CASD1: variants seen among roughly 807,000 people sequenced by gnomAD.
CASD1 encodes the protein N-acetylneuraminate (7)9-O-acetyltransferase.
CASD1 carries 41 observed loss-of-function variants against 100.0 expected under a neutral mutation model. The observed-to-expected ratio is 0.41, with a 90% CI of 0.32 to 0.53. CASD1 has a LOEUF of 0.53. Among genes scored for constraint, CASD1 ranks in the 20% least tolerant of loss-of-function variants. The pLI is 0.25. For missense variants in CASD1, 774 were observed against 948.7 expected (o/e 0.82, Z 2.42); for synonymous variants, 321 against 315.6 (o/e 1.02, Z -0.18).
the CASD1 span, among the ~76,000 whole-genome samples, chr7:94,631,373 A>T: frequency 1.3e-5 from 2 of 151,910 alleles, no homozygotes; most frequent in African/African-American, 4.8e-5. Context: ...AAGATGAAAG[A>T]GACCCTGCCA....
the CASD1 span, chr7:94,623,652 C>A: frequency 2.1e-6 from 1 of 481,546 alleles, no homozygotes; most frequent in Non-Finnish European, 3.6e-6. Flanking sequence ...CATAGAAGGC[C>A]ATTAAGCACT....
intron 5 of CASD1, among the ~76,000 whole-genome samples, chr7:94,529,322 A>G (rs181586596): frequency 1.3e-5 from 2 of 152,340 alleles, no homozygotes; most frequent in East Asian, 3.9e-4. Context: ...AAGATCACAG[A>G]AAACCTTTAT....
chr7:94,537,603 C>T lies in CASD1; in HGVS notation c.975C>T (p.Ile325=), dbSNP rs1383004111. 5.0e-6 allele frequency: 8 copies of T among 1,613,636 alleles called. No individual in the cohort carries two copies. Among genetic ancestry groups the T allele is most frequent in the African/African-American group, 4.0e-5 (3 of 74,878 alleles). ...LAACFFTLSI[I]GYLIFYIIHR... is the part of the protein sequence containing the mutation. ...CTTGTTTTTTCACTTTATCTATTAT[C>T]GGATATTTAATTTTTTACATAATTC... Residue 325 remains isoleucine (I), a synonymous_variant, in exon 9 of 18, where the codon ATC becomes ATT. Transcript: ENST00000297273.
chr7:94,553,529 C>G (rs898499063), intron 16 of CASD1, among the ~76,000 whole-genome samples: 6 of 152,102 alleles, frequency 3.9e-5, no homozygotes, highest in Admixed American at 3.9e-4. Context: ...CCAGGTTGAT[C>G]AACATTGAAT....
At chr7:94,624,815 C>A in the CASD1 span, 1 of 151,894 alleles carries the variant, frequency 6.6e-6, no homozygotes, top group Non-Finnish European at 1.5e-5. Flanking sequence ...TTATGGGTAG[C>A]CTTCCCTTAA....
At chr7:94,574,241 A>G in the CASD1 span, among the ~76,000 whole-genome samples, 7 of 152,162 alleles carry the variant, frequency 4.6e-5, no homozygotes, top group East Asian at 9.6e-4. Context: ...TGCTGGCCTC[A>G]TAGAATGAGT....
chr7:94,602,197 C>T, the CASD1 span, among the ~76,000 whole-genome samples: 1 of 152,086 alleles, frequency 6.6e-6, no homozygotes, highest in African/African-American at 2.4e-5. Context: ...CAGTCTCCTG[C>T]ACCCTTGTAT....
the CASD1 span, chr7:94,585,216 A>G: frequency 2.2e-5 from 8 of 363,850 alleles, no homozygotes; most frequent in East Asian, 2.6e-4. Flanking sequence ...AGTAAATTTC[A>G]CCAGTCATTA....
Position 94,537,599 on chromosome 7 carries a change from T to C in CASD1, c.971T>C (p.Ile324Thr). 1 of 1,613,892 alleles carries C rather than the reference T, an allele frequency of 6.2e-7. No homozygotes were observed. The highest frequency in any genetic ancestry group is 8.5e-7 in the Non-Finnish European group (1 of 1,179,860). ...GCTGCTTGTTTTTTCACTTTATCTA[T>C]TATCGGATATTTAATTTTTTACATA... ...KLAACFFTLS[I>T]IGYLIFYIIH... The change falls in exon 9 of 18, where the codon ATT becomes ACT. Residue 324 changes from isoleucine (I) to threonine (T), a missense_variant. Ile to Thr is a moderately conservative substitution (Grantham distance 89). This residue lies in a region of CASD1 where 453 missense variants were observed against 532.6 expected (regional missense o/e 0.85). Transcript: ENST00000297273.
intron 3 of CASD1, among the ~76,000 whole-genome samples, chr7:94,519,681 T>A (rs947948244): frequency 1.2e-4 from 19 of 152,148 alleles, no homozygotes; most frequent in East Asian, 7.7e-4. Flanking sequence ...TTAAAAAAAT[T>A]TTTTTAATAG....
chr7:94,607,245 T>C, the CASD1 span, among the ~76,000 whole-genome samples: 2 of 152,106 alleles, frequency 1.3e-5, no homozygotes, highest in South Asian at 4.1e-4. Context: ...ATGCCAACTC[T>C]CTACAATATT....
the CASD1 span, chr7:94,599,768 T>C: frequency 7.6e-7 from 1 of 1,314,048 alleles, no homozygotes; most frequent in Non-Finnish European, 1.1e-6. Context: ...AGCATTGATA[T>C]TTGGAACATT....
At chr7:94,633,176 C>T in the CASD1 span, among the ~76,000 whole-genome samples, 70 of 151,940 alleles carry the variant, frequency 4.6e-4, 2 homozygotes, top group South Asian at 9.8e-3. Context: ...TGCAAACATA[C>T]GCCACTAGAT....
chr7:94,604,858 T>TAA, the CASD1 span, among the ~76,000 whole-genome samples: 32 of 75,206 alleles, frequency 4.3e-4, 1 homozygote, highest in Non-Finnish European at 5.9e-4. Flanking sequence ...TATATATATA[T>TAA]AATAGTTGTT....
At chr7:94,598,967 G>A in the CASD1 span, 2 of 1,610,870 alleles carry the variant, frequency 1.2e-6, no homozygotes, top group Non-Finnish European at 8.5e-7. Flanking sequence ...TTGGATGCTA[G>A]GTCAAAAAGA....
intron 3 of CASD1, among the ~76,000 whole-genome samples, chr7:94,520,587 T>A (rs553272919): frequency 1.8e-4 from 28 of 152,268 alleles, no homozygotes; most frequent in African/African-American, 6.7e-4. Flanking sequence ...AATTTTGTGT[T>A]GCTTCCAGCC....
chr7:94,553,225 C>A, intron 16 of CASD1: 1 of 272,000 alleles, frequency 3.7e-6, no homozygotes. Flanking sequence ...TAGTAAGTAC[C>A]TTATGTATGT....
the CASD1 span, chr7:94,623,906 C>G: frequency 2.8e-6 from 1 of 360,240 alleles, no homozygotes; most frequent in Non-Finnish European, 4.9e-6. Flanking sequence ...ATCTCACTTA[C>G]GATGGGAGTA....
chr7:94,629,494 G>A, the CASD1 span: 30 of 445,784 alleles, frequency 6.7e-5, no homozygotes, highest in Non-Finnish European at 1.1e-4. Context: ...TAAAACTCAA[G>A]ACTGAGAATC....
Sources: allele counts gnomAD v4.1 joint callset (sites outside exome capture counted in the v4.1 genomes callset), GRCh38; gene constraint gnomAD v4.1.1; regional missense constraint gnomAD v4.1.1; transcripts MANE v1.5; gene names NCBI Gene and HGNC (gene_info 2026-07-23, HGNC 2026-07-21).